P4HTM: variants seen among roughly 807,000 people sequenced by gnomAD.
P4HTM encodes the protein transmembrane prolyl 4-hydroxylase.
A neutral mutation model predicts 55.3 loss-of-function variants in P4HTM; 33 were observed. That is an observed-to-expected ratio of 0.60 (90% CI 0.45 to 0.80). The LOEUF (loss-of-function observed/expected upper bound fraction) is 0.80, where lower values mean the gene tolerates loss of function less well. Among genes scored for constraint, P4HTM ranks in the 30% least tolerant of loss-of-function variants. The pLI, the probability that P4HTM is intolerant of heterozygous loss-of-function variation, is 0.00. For missense variants in P4HTM, 542 were observed against 696.5 expected (o/e 0.78, Z 2.50); for synonymous variants, 272 against 286.4 (o/e 0.95, Z 0.51).
upstream of P4HTM, chr3:48,990,155 G>C (rs2092926078): frequency 1.9e-6 from 2 of 1,041,810 alleles, no homozygotes; most frequent in Non-Finnish European, 2.3e-6. The surrounding 1 kb of genome is among the most constrained non-coding windows in gnomAD (Gnocchi z 7.2). Flanking sequence ...CCGTCTCCTA[G>C]TGACCGCGGC....
At chr3:49,005,935 T>C (rs1235079669) in intron 7 of P4HTM, 68 bp downstream of exon 7, 3 of 1,535,560 alleles carry the variant, frequency 2.0e-6, no homozygotes, top group Non-Finnish European at 2.6e-6. Context: ...TACACACCTC[T>C]CCAGGTCTAA....
At chr3:49,001,177 T>C (rs1444297636) in intron 2 of P4HTM, 6 of 518,420 alleles carry the variant, frequency 1.2e-5, no homozygotes, top group Non-Finnish European at 1.8e-5. Context: ...AGGTTAGCTC[T>C]GGCTCACCTC....
intron 8 of P4HTM, among the ~76,000 whole-genome samples, chr3:49,006,456 A>G (rs868243297): frequency 6.6e-6 from 1 of 152,182 alleles, no homozygotes; most frequent in African/African-American, 2.4e-5. Context: ...CTAACCCAGG[A>G]TGGGAAGGGA....
In P4HTM at chr3:48,990,399, C is replaced by T. The variant is rs2092927014; in HGVS notation, c.143C>T (p.Pro48Leu). 7 of 1,597,506 alleles carry T rather than the reference C, an allele frequency of 4.4e-6. No individual in the cohort carries two copies. The highest frequency in any genetic ancestry group is 1.3e-5 in the African/African-American group (1 of 74,250). The change falls in exon 1 of 9, where the codon CCG (proline) becomes CTG (leucine). Residue 48 changes from proline to leucine, a missense_variant. Physicochemically the swap from Pro to Leu is moderately conservative, Grantham distance 98 (BLOSUM62 -3). Around this residue, in one of 2 missense-constraint regions of P4HTM, gnomAD observed 536 missense variants for 672.1 expected, o/e 0.80. Transcript: ENST00000383729. This position sits in a 1 kb window ranked among gnomAD's most constrained non-coding sequence, Gnocchi z 7.2. ...GACGGCGAGGACGCACCGGTGCGTC[C>T]GCTGTGCAAGCCCCGCGGCATCTGC... is the stretch of plus-strand genomic sequence containing the variant. ...LGDGEDAPVR[P>L]LCKPRGICSR...
rs144243741 is a variant in P4HTM at position 49,003,913 on chromosome 3, G to A, written c.725-185G>A. ...GAACTGCTCTGGGTCTTCCTGTAAG[G>A]CCTGATGTGACAGAAACCAGGTTCA... On this transcript the variant is annotated intron_variant, in intron 4 of 8. Coordinates refer to ENST00000383729, the MANE Select transcript of P4HTM (RefSeq NM_177939.3). 1.3e-3 allele frequency: 804 copies of A among 595,778 alleles called. 1 individual carries two copies. The highest frequency in any genetic ancestry group is 2.0e-3 in the Non-Finnish European group (669 of 337,514). The allele number at this position is 595,778 out of a possible 1,614,324, so 36.9% of individuals were successfully genotyped here.
chr3:49,004,028 G>C, intron 4 of P4HTM, 70 bp from the exon 5 acceptor site: 1 of 1,452,938 alleles, frequency 6.9e-7, no homozygotes, highest in Non-Finnish European at 9.3e-7. Flanking sequence ...GGTAGGTAGG[G>C]AAGTGCAGCC....
intron 6 of P4HTM, 45 bp from the exon 7 acceptor site, chr3:49,005,732 G>A (rs781206660): frequency 3.2e-6 from 5 of 1,555,726 alleles, no homozygotes; most frequent in South Asian, 1.2e-5. Context: ...GCCCCTGGGA[G>A]CATCCACAAC....
rs62621815 is a variant in P4HTM, at chr3:49,005,082, T to G, written c.1073+36T>G. On this transcript the variant is annotated intron_variant, in intron 6 of 8. Coordinates refer to ENST00000383729, the MANE Select transcript of P4HTM (RefSeq NM_177939.3). ...CCCAACTGGGGGCTGCCTTCAATCCTCAGACCAGGAACACCCATGACACAG... is the reference window on the plus strand; with the variant it reads ...CCCAACTGGGGGCTGCCTTCAATCCGCAGACCAGGAACACCCATGACACAG... 475 of 1,613,746 alleles carry G rather than the reference T, an allele frequency of 2.9e-4. 4 individuals are homozygous for G. The African/African-American group carries it at 4.2e-3, about 14-fold the overall frequency.
In P4HTM at chr3:49,002,369, T is replaced by C. The variant is rs2092963477; in HGVS notation, c.628-131T>C. On this transcript the variant is annotated intron_variant, in intron 3 of 8. Coordinates refer to ENST00000383729, the MANE Select transcript of P4HTM (RefSeq NM_177939.3). This position sits in a 1 kb window ranked among gnomAD's most constrained non-coding sequence, Gnocchi z 4.4. ...TCTACCTGCACTCACTTTGGCCCAATGGGCTCTGCCCTGTGTCCTCATCCA... is the reference window on the plus strand; with the variant it reads ...TCTACCTGCACTCACTTTGGCCCAACGGGCTCTGCCCTGTGTCCTCATCCA... The C allele has an allele frequency of 2.8e-6, 2 of 715,924 alleles. No homozygotes were observed. Among genetic ancestry groups the C allele is most frequent in the Admixed American group, 4.3e-5 (2 of 46,576 alleles). 44.3% of individuals were successfully genotyped at this position (715,924 alleles called of 1,614,324 possible).
chr3:48,999,679 T>G lies in P4HTM; in HGVS notation c.437-1759T>G, dbSNP rs1324088862. On this transcript the variant is annotated intron_variant, in intron 2 of 8. Transcript: ENST00000383729. The surrounding 1 kb of genome is among the most constrained non-coding windows in gnomAD (Gnocchi z 4.8). Reference sequence around the variant, plus strand: ...CCTGGTGAGGCCCCAACATGCTGACTGGGCTGTTTGTTTTTGATTAGCACA... The same window carrying G: ...CCTGGTGAGGCCCCAACATGCTGACGGGGCTGTTTGTTTTTGATTAGCACA... 2 of 160,788 alleles carry G rather than the reference T, an allele frequency of 1.2e-5. No homozygotes were observed. The highest frequency in any genetic ancestry group is 2.4e-5 in the African/African-American group (1 of 41,480). The allele number at this position is 160,788 out of a possible 1,614,324, so 10.0% of individuals were successfully genotyped here. A position where few individuals can be genotyped will look rare whatever the true frequency, so the allele number is the denominator to read the frequency against.
Position 49,002,163 on chromosome 3 carries a change from C to T in P4HTM, c.628-337C>T, listed in dbSNP as rs559728584. 6.6e-6 allele frequency among the ~76,000 whole-genome samples: 1 copy of T among 152,344 alleles called. No individual in the cohort carries two copies. The highest frequency in any genetic ancestry group is 1.5e-5 in the Non-Finnish European group (1 of 68,032). On this transcript the variant is annotated intron_variant, in intron 3 of 8. Transcript: ENST00000383729. This position sits in a 1 kb window ranked among gnomAD's most constrained non-coding sequence, Gnocchi z 4.4. ...CCTGGTGCCTGTTCTCCCTTAACAC[C>T]CAGGACTTGGCTTTCCCCATCTCAC...
chr3:49,001,744 C>T (rs2092961889), intron 3 of P4HTM, 116 bp downstream of exon 3: 1 of 897,542 alleles, frequency 1.1e-6, no homozygotes, highest in Non-Finnish European at 1.7e-6. Context: ...ACTACCCAGA[C>T]CTGCCTGGGC....
chr3:48,993,859 CAA>C (rs60867672), intron 2 of P4HTM, among the ~76,000 whole-genome samples: 3 of 43,826 alleles, frequency 6.8e-5, no homozygotes, highest in Admixed American at 2.5e-4. Flanking sequence ...GACTCCATCA[CAA>C]AAAAAAAAAA....
chr3:48,990,733 A>T lies in P4HTM; in HGVS notation c.355-100A>T. ...CTCTGCGTCGGTCCCGCGCGCTCCC[A>T]CTCACTCGCCTGCTGTCGCTCTCCG... On this transcript the variant is annotated intron_variant, in intron 1 of 8. Coordinates refer to ENST00000383729, the MANE Select transcript of P4HTM (RefSeq NM_177939.3). This position sits in a 1 kb window ranked among gnomAD's most constrained non-coding sequence, Gnocchi z 7.2. 6.7e-7 allele frequency: 1 copy of T among 1,492,342 alleles called. No homozygotes were observed. The highest frequency in any genetic ancestry group is 9.1e-7 in the Non-Finnish European group (1 of 1,099,564). The allele number at this position is 1,492,342 out of a possible 1,614,324, so 92.4% of individuals were successfully genotyped here. A position where few individuals can be genotyped will look rare whatever the true frequency, so the allele number is the denominator to read the frequency against.
Position 48,990,682 on chromosome 3 carries a change from G to A in P4HTM, c.354+72G>A, listed in dbSNP as rs1164817728. On this transcript the variant is annotated intron_variant, in intron 1 of 8. Coordinates refer to ENST00000383729, the MANE Select transcript of P4HTM (RefSeq NM_177939.3). This position sits in a 1 kb window ranked among gnomAD's most constrained non-coding sequence, Gnocchi z 7.2. ...GCCCGAGAGGACCGGCGCTCAGCCC[G>A]GGTCCCCACGCTGCCCCCGGCGCTG... The A allele has an allele frequency of 5.4e-6, 8 of 1,468,970 alleles. No individual in the cohort carries two copies. Among genetic ancestry groups the A allele is most frequent in the Middle Eastern group, 2.3e-4 (1 of 4,316 alleles). The allele number at this position is 1,468,970 out of a possible 1,614,324, so 91.0% of individuals were successfully genotyped here. A position where few individuals can be genotyped will look rare whatever the true frequency, so the allele number is the denominator to read the frequency against.
At chr3:48,993,859 CAAAAAAAAAAA>C (rs60867672) in intron 2 of P4HTM, among the ~76,000 whole-genome samples, 1 of 43,828 alleles carries the variant, frequency 2.3e-5, no homozygotes, top group Non-Finnish European at 4.8e-5. Context: ...GACTCCATCA[CAAAAAAAAAAA>C]AAAAAAAAAA....
intron 2 of P4HTM, chr3:48,991,152 GTGTCTAAACGTTTCATTGCACC>G (rs1393540046): frequency 1.2e-5 from 6 of 502,840 alleles, no homozygotes; most frequent in Admixed American, 3.3e-5. Flanking sequence ...CCTGAGGCTG[GTGTCTAAACGTTTCATTGCACC>G]TGTCTTCCGT....
Position 49,002,887 on chromosome 3 carries a change from A to G in P4HTM, c.724+291A>G. The G allele has an allele frequency of 2.1e-6, 1 of 471,570 alleles. No homozygotes were observed. Among genetic ancestry groups the G allele is most frequent in the Non-Finnish European group, 3.9e-6 (1 of 253,188 alleles). The allele number at this position is 471,570 out of a possible 1,614,324, so 29.2% of individuals were successfully genotyped here. On this transcript the variant is annotated intron_variant, in intron 4 of 8. Coordinates refer to ENST00000383729, the MANE Select transcript of P4HTM (RefSeq NM_177939.3). This position sits in a 1 kb window ranked among gnomAD's most constrained non-coding sequence, Gnocchi z 4.4. ...CCTGGGGACAGGAAGTAGGGCTGCTAGTTGGCAGAGAACAGAGTGGGTGGA... is the reference window on the plus strand; with the variant it reads ...CCTGGGGACAGGAAGTAGGGCTGCTGGTTGGCAGAGAACAGAGTGGGTGGA...
At chr3:49,004,703 C>T (rs1307979857) in intron 5 of P4HTM, 158 bp from the exon 6 acceptor site, 6 of 691,454 alleles carry the variant, frequency 8.7e-6, no homozygotes, top group East Asian at 5.1e-5. Flanking sequence ...GAGTAACCCC[C>T]TCCTGCTCTT....
Sources: gnomAD v4.1 joint callset for allele counts (sites outside exome capture counted in the v4.1 genomes callset) on GRCh38, gnomAD v4.1.1 for gene constraint, gnomAD v4.1.1 regional missense constraint, Gnocchi (gnomAD v3.1) non-coding constraint, MANE v1.5 for transcripts, NCBI Gene and HGNC (gene_info 2026-07-23, HGNC 2026-07-21) for gene names.